Variants in TMPO observed in about 807,000 individuals in gnomAD.
TMPO encodes thymopoietin.
A neutral mutation model predicts 45.4 loss-of-function variants in TMPO; 22 were observed. That is an observed-to-expected ratio of 0.48 (90% CI 0.35 to 0.69). The LOEUF (loss-of-function observed/expected upper bound fraction) is 0.69, where lower values mean the gene tolerates loss of function less well. Among genes scored for constraint, TMPO ranks in the 30% least tolerant of loss-of-function variants. TMPO has a pLI of 0.01. For missense variants in TMPO, 512 were observed against 548.8 expected (o/e 0.93, Z 0.67); for synonymous variants, 241 against 204.1 (o/e 1.18, Z -1.54).
chr12:98,524,712 G>C (rs1386909092), intron 1 of TMPO, among the ~76,000 whole-genome samples: 2 of 152,196 alleles, frequency 1.3e-5, no homozygotes, highest in Admixed American at 6.5e-5. Flanking sequence ...TCCTGCCTCA[G>C]CTTCCCAGGT....
intron 1 of TMPO, among the ~76,000 whole-genome samples, chr12:98,519,129 G>C (rs1344843704): frequency 2.0e-5 from 3 of 152,198 alleles, no homozygotes; most frequent in Admixed American, 2.0e-4. Flanking sequence ...TGATCCTCCC[G>C]TCTCGGCTTC....
chr12:98,533,319 C>T (rs780511198), intron 3 of TMPO: 2 of 1,614,130 alleles, frequency 1.2e-6, no homozygotes, highest in Non-Finnish European at 1.7e-6. Flanking sequence ...CGCCTCTCTC[C>T]AGTAAAAGGA....
At chr12:98,533,384 C>T (rs1565811456) in intron 3 of TMPO, 1 of 1,614,222 alleles carries the variant, frequency 6.2e-7, no homozygotes, top group Non-Finnish European at 8.5e-7. Flanking sequence ...CTTGCCCAGG[C>T]AATCAGAGAT....
chr12:98,533,318 C>G lies in TMPO; in HGVS notation c.565+1480C>G. On this transcript the variant is annotated intron_variant, in intron 3 of 8. Transcript: ENST00000556029. ...CATATTTCAGATCAATCGCCTCTCT[C>G]CAGTAAAAGGAAAGCACTAGAAGAG... 5.0e-6 allele frequency: 8 copies of G among 1,614,110 alleles called. No individual in the cohort carries two copies. Among genetic ancestry groups the G allele is most frequent in the Non-Finnish European group, 6.8e-6 (8 of 1,180,014 alleles).
chr12:98,544,246 G>T lies in TMPO; in HGVS notation c.680G>T (p.Gly227Val). The T allele has an allele frequency of 6.2e-7, 1 of 1,613,840 alleles. No individual in the cohort carries two copies. The highest frequency in any genetic ancestry group is 8.5e-7 in the Non-Finnish European group (1 of 1,179,846). The change falls in exon 5 of 9, where the codon GGA (glycine) becomes GTA (valine). Residue 227 changes from glycine (G) to valine (V), a missense_variant. By Grantham distance (109) the Gly-to-Val change is moderately radical (BLOSUM62 -3). Around this residue, in one of 3 missense-constraint regions of TMPO, gnomAD observed 299 missense variants for 296.7 expected, o/e 1.01. Transcript: ENST00000556029. Reference sequence around the variant, plus strand: ...CTTGAATAGAGCTATTCTCAAGCTGGAATAACTGAGACTGAATGGACAAGT... The same window carrying T: ...CTTGAATAGAGCTATTCTCAAGCTGTAATAACTGAGACTGAATGGACAAGT... ...VEHNQSYSQA[G>V]ITETEWTSGS...
At chr12:98,516,300 G>A (rs1592925130) in intron 1 of TMPO, 154 bp downstream of exon 1, 1 of 1,235,200 alleles carries the variant, frequency 8.1e-7, no homozygotes, top group South Asian at 3.8e-5. Context: ...TTCCCCGCGG[G>A]GCTGCAGGCG....
rs1201669937 is a variant in TMPO, at chr12:98,516,141, G to A, written c.274G>A (p.Gly92Ser). The A allele has an allele frequency of 5.5e-6, 8 of 1,455,158 alleles. No homozygotes were observed. Among genetic ancestry groups the A allele is most frequent in the Non-Finnish European group, 3.6e-6 (4 of 1,113,598 alleles). 90.1% of individuals were successfully genotyped at this position (1,455,158 alleles called of 1,614,324 possible). ...CGCGGGCCGGAGCCGAGCAGCCGTC[G>A]GCAGGGTAAGGACGCGGGGCCGGGG... Reference protein sequence around the residue: ...AAAGRSRAAVGRKATKKTDKP... With the variant: ...AAAGRSRAAVSRKATKKTDKP... Residue 92 changes from glycine (G) to serine (S), a missense_variant, in exon 1 of 9, where the codon GGC becomes AGC. This residue lies in a region of TMPO where 299 missense variants were observed against 296.7 expected (regional missense o/e 1.01). Coordinates refer to ENST00000556029, the MANE Select transcript of TMPO (RefSeq NM_001032283.3).
intron 3 of TMPO, chr12:98,535,121 C>G: frequency 1.0e-6 from 1 of 984,812 alleles, no homozygotes; most frequent in Non-Finnish European, 1.2e-6. Flanking sequence ...TTGAGAAACA[C>G]TTCTTTGGAT....
chr12:98,518,470 C>CTTTTTTTTT (rs11437786), intron 1 of TMPO, among the ~76,000 whole-genome samples: 984 of 83,420 alleles, frequency 0.012, 43 homozygotes, highest in Non-Finnish European at 0.014. Flanking sequence ...ATTTTCTAAT[C>CTTTTTTTTT]TTTTTTTTTT....
chr12:98,546,836 C>A (rs1173575202), intron 8 of TMPO, among the ~76,000 whole-genome samples: 1 of 152,158 alleles, frequency 6.6e-6, no homozygotes, highest in Non-Finnish European at 1.5e-5. Context: ...TACTTAAATT[C>A]ATATGTTAAA....
chr12:98,516,310 G>T, intron 1 of TMPO, 164 bp downstream of exon 1: 2 of 1,232,260 alleles, frequency 1.6e-6, no homozygotes, highest in Non-Finnish European at 2.0e-6. Context: ...GGCTGCAGGC[G>T]CCGGAGCGGA....
chr12:98,544,759 A>AT lies in TMPO; in HGVS notation c.880-186dup, dbSNP rs1176622223. The AT allele has an allele frequency of 4.0e-5, 26 of 651,468 alleles. No homozygotes were observed. The Middle Eastern group carries it at 1.6e-3, about 41-fold the overall frequency. The allele number at this position is 651,468 out of a possible 1,614,324, so 40.4% of individuals were successfully genotyped here. On this transcript the variant is annotated intron_variant, in intron 6 of 8. Transcript: ENST00000556029. ...TCATTGTACAAGAAAGTATAAGGAT[A>AT]TTTTTTGTTAAAATATTTGAAGAAT...
rs1701570271 is a variant in TMPO at position 98,533,001 on chromosome 12, G to C, written c.565+1163G>C. ...CAGCTAAGAAAGTACATACTTCTAA[G>C]GGAGACCTACCTAGGGAGCCTCTTG... is the stretch of plus-strand genomic sequence containing the variant. On this transcript the variant is annotated intron_variant, in intron 3 of 8. Transcript: ENST00000556029. 3.1e-6 allele frequency: 5 copies of C among 1,613,946 alleles called. No individual in the cohort carries two copies. The highest frequency in any genetic ancestry group is 1.7e-5 in the Admixed American group (1 of 59,978).
At position 98,548,152 on chromosome 12, in the gene TMPO, T is replaced by G. The variant is rs1457962539; in HGVS notation, c.*294T>G. On this transcript the variant is annotated 3_prime_UTR_variant, in exon 9 of 9. Coordinates refer to ENST00000556029, the MANE Select transcript of TMPO (RefSeq NM_001032283.3). ...GCATCTTATTTCATTTTTGAAAAAA[T>G]GTATATGTTTTTTGTGTATTTGGGA... The G allele has an allele frequency of 3.5e-6, 1 of 282,620 alleles. No homozygotes were observed. Among genetic ancestry groups the G allele is most frequent in the African/African-American group, 2.2e-5 (1 of 44,594 alleles). The allele number at this position is 282,620 out of a possible 1,614,324, so 17.5% of individuals were successfully genotyped here.
chr12:98,533,743 G>T lies in TMPO; in HGVS notation c.565+1905G>T, dbSNP rs2121207714. The T allele has an allele frequency of 1.7e-5, 28 of 1,614,126 alleles. No homozygotes were observed. The highest frequency in any genetic ancestry group is 2.4e-5 in the Non-Finnish European group (28 of 1,180,040). On this transcript the variant is annotated intron_variant, in intron 3 of 8. Coordinates refer to ENST00000556029, the MANE Select transcript of TMPO (RefSeq NM_001032283.3). ...CTCAGAACTATCTTTTCCCTTCCAT[G>T]AATCTATTTTAAAAGTAATTGAAGA... is the stretch of plus-strand genomic sequence containing the variant.
intron 3 of TMPO, among the ~76,000 whole-genome samples, chr12:98,536,612 A>C (rs149004965): frequency 1.1e-4 from 16 of 152,294 alleles, no homozygotes; most frequent in Non-Finnish European, 2.2e-4. Context: ...CGGCCTTCCA[A>C]AGTGCTGGGA....
At chr12:98,516,186 G>A (rs1380716996) in intron 1 of TMPO, 40 bp downstream of exon 1, 2 of 1,323,256 alleles carry the variant, frequency 1.5e-6, no homozygotes, top group East Asian at 6.2e-5. Flanking sequence ...CGGGCGTTTG[G>A]CGGTTGCCGC....
rs534793868 is a variant in TMPO at position 98,535,292 on chromosome 12, A to G, written c.566-2183A>G. On this transcript the variant is annotated intron_variant, in intron 3 of 8. Transcript: ENST00000556029. The stretch of plus-strand genomic sequence containing the variant: ...AGCAAATTAAATTTTTTTAAGCCAT[A>G]AGAAATTATACTATATCCCAGTATC... The G allele has an allele frequency of 9.1e-5, 89 of 982,976 alleles. 2 individuals carry two copies. The African/African-American group carries it at 1.5e-3, about 17-fold the overall frequency. 60.9% of individuals were successfully genotyped at this position (982,976 alleles called of 1,614,324 possible).
chr12:98,529,242 T>C lies in TMPO; in HGVS notation c.406+1230T>C, dbSNP rs183114317. Among the ~76,000 whole-genome samples the C allele has an allele frequency of 2.8e-3, 423 of 151,920 alleles. 3 individuals are homozygous for C. Among genetic ancestry groups the C allele is most frequent in the African/African-American group, 9.3e-3 (384 of 41,440 alleles). ...CTAATTTTTATATTTTTAGTAGAGA[T>C]GGGGTTTTGCCATGTTGGCCAGGCT... On this transcript the variant is annotated intron_variant, in intron 2 of 8. Coordinates refer to ENST00000556029, the MANE Select transcript of TMPO (RefSeq NM_001032283.3).
Sources: gnomAD v4.1 joint callset for allele counts (sites outside exome capture counted in the v4.1 genomes callset) on GRCh38, gnomAD v4.1.1 for gene constraint, gnomAD v4.1.1 regional missense constraint, MANE v1.5 for transcripts, NCBI Gene and HGNC (gene_info 2026-07-23, HGNC 2026-07-21) for gene names.